Variants in SND1 observed in about 807,000 individuals in gnomAD.
The protein encoded by SND1 is staphylococcal nuclease domain-containing protein 1.
SND1 carries 38 observed loss-of-function variants against 121.7 expected under a neutral mutation model. That is an observed-to-expected ratio of 0.31 (90% CI 0.24 to 0.41). SND1 has a LOEUF of 0.41. Among genes scored for constraint, SND1 ranks in the 10% least tolerant of loss-of-function variants. The pLI is 1.00. For missense variants in SND1, 868 were observed against 1,184.6 expected, an observed-to-expected ratio of 0.73 and a Z score of 3.92; for synonymous variants, 401 against 447.4, an observed-to-expected ratio of 0.90 and a Z score of 1.31.
In SND1 at chr7:128,015,751, C is replaced by G. The variant is rs1803211233; in HGVS notation, c.1779+24695C>G. Among the ~76,000 whole-genome samples the G allele has an allele frequency of 6.6e-6, 1 of 152,146 alleles. No homozygotes were observed. ...CCCCAGGACACCACTCTGCCTTTCC[C>G]CATTGCTGGCTTCTTGGTGAGCAGC... On this transcript the variant is annotated intron_variant, in intron 16 of 23. Transcript: ENST00000354725. The surrounding 1 kb of genome is among the most constrained non-coding windows in gnomAD (Gnocchi z 4.5).
intron 15 of SND1, among the ~76,000 whole-genome samples, chr7:127,953,919 T>C (rs1228125798): frequency 1.3e-5 from 2 of 152,362 alleles, no homozygotes; most frequent in African/African-American, 4.8e-5. Context: ...TCAGTGTAGC[T>C]ACTTATTTTT....
chr7:127,832,242 A>C (rs1563028764), intron 11 of SND1, among the ~76,000 whole-genome samples: 1 of 152,234 alleles, frequency 6.6e-6, no homozygotes, highest in African/African-American at 2.4e-5. Context: ...ACATTTGTAC[A>C]TACATCTTTG....
At chr7:127,714,458 A>T (rs1796351155) in intron 9 of SND1, among the ~76,000 whole-genome samples, 1 of 152,058 alleles carries the variant, frequency 6.6e-6, no homozygotes, top group African/African-American at 2.4e-5. Context: ...GTCTCTGAGA[A>T]TTTTTTTCCT....
At chr7:127,826,973 G>C (rs1184125908) in intron 11 of SND1, among the ~76,000 whole-genome samples, 2 of 152,300 alleles carry the variant, frequency 1.3e-5, no homozygotes, top group African/African-American at 4.8e-5. Flanking sequence ...CCTTGGGCTG[G>C]CCTTTCCAGA....
intron 12 of SND1, among the ~76,000 whole-genome samples, chr7:127,845,937 A>G (rs1799053690): frequency 6.6e-6 from 1 of 152,220 alleles, no homozygotes; most frequent in African/African-American, 2.4e-5. Context: ...AATACTTTAC[A>G]GGGCAGAGTG....
At chr7:127,676,947 G>A (rs1199878443) in intron 1 of SND1, among the ~76,000 whole-genome samples, 3 of 152,138 alleles carry the variant, frequency 2.0e-5, no homozygotes, top group Non-Finnish European at 4.4e-5. Flanking sequence ...TCACCTTCTT[G>A]GCCAGGCTGG....
At chr7:127,754,249 TTTTC>T (rs1385262984) in intron 10 of SND1, among the ~76,000 whole-genome samples, 1 of 152,178 alleles carries the variant, frequency 6.6e-6, no homozygotes, top group Non-Finnish European at 1.5e-5. Context: ...ATAAAATAAT[TTTTC>T]TTTCTTAAAG....
At chr7:127,987,224 CCAG>C (rs1802412323) in intron 15 of SND1, among the ~76,000 whole-genome samples, 4 of 152,212 alleles carry the variant, frequency 2.6e-5, no homozygotes, top group Non-Finnish European at 5.9e-5. Context: ...GTCAGCCTGC[CCAG>C]CTGAGCATCA....
At chr7:127,676,466 TATA>T (rs1252185433) in intron 1 of SND1, among the ~76,000 whole-genome samples, 4 of 152,230 alleles carry the variant, frequency 2.6e-5, no homozygotes, top group African/African-American at 9.6e-5. Flanking sequence ...CTCAAGGCTG[TATA>T]ATTTCAGAGC....
At chr7:127,721,475 C>T (rs986111682) in intron 10 of SND1, 75 bp downstream of exon 10, 4 of 778,512 alleles carry the variant, frequency 5.1e-6, no homozygotes, top group Admixed American at 1.9e-5. Context: ...TAATATATGA[C>T]ATATATAATA....
At chr7:127,743,164 A>G (rs139724471) in intron 10 of SND1, among the ~76,000 whole-genome samples, 22 of 152,324 alleles carry the variant, frequency 1.4e-4, no homozygotes, top group Middle Eastern at 3.4e-3. Context: ...TTTGGTGGAA[A>G]TTGATGGTGA....
intron 11 of SND1, among the ~76,000 whole-genome samples, chr7:127,821,856 C>T (rs1008855802): frequency 3.3e-5 from 5 of 152,080 alleles, no homozygotes; most frequent in African/African-American, 2.4e-5. Flanking sequence ...GACATTTTGA[C>T]GTCATTTGGC....
chr7:128,047,925 G>A (rs753524170), intron 16 of SND1, among the ~76,000 whole-genome samples: 19 of 151,126 alleles, frequency 1.3e-4, no homozygotes, highest in African/African-American at 4.4e-4. Context: ...TCGGCTCACT[G>A]CAACCTCGGC....
chr7:127,876,481 C>T (rs1799693291), intron 12 of SND1, among the ~76,000 whole-genome samples: 1 of 152,100 alleles, frequency 6.6e-6, no homozygotes, highest in South Asian at 2.1e-4. Context: ...GGCCTAGGTG[C>T]TGAGAGTATG....
intron 12 of SND1, chr7:127,857,886 G>C: frequency 1.5e-6 from 2 of 1,358,746 alleles, no homozygotes; most frequent in Middle Eastern, 1.9e-4. Flanking sequence ...TGGAGTTGTA[G>C]AACTGACCAC....
At chr7:127,689,502 A>G (rs546479152) in intron 2 of SND1, among the ~76,000 whole-genome samples, 2 of 152,330 alleles carry the variant, frequency 1.3e-5, no homozygotes, top group South Asian at 4.1e-4. Flanking sequence ...AATCTTGGGC[A>G]GAGAAATACA....
chr7:128,043,055 A>G (rs549736691), intron 16 of SND1, among the ~76,000 whole-genome samples: 1 of 152,342 alleles, frequency 6.6e-6, no homozygotes, highest in South Asian at 2.1e-4. Flanking sequence ...AGACAGCATC[A>G]CTGGCACGTG....
intron 14 of SND1, among the ~76,000 whole-genome samples, chr7:127,910,771 C>T (rs1313860347): frequency 1.3e-5 from 2 of 152,168 alleles, no homozygotes; most frequent in African/African-American, 4.8e-5. Flanking sequence ...ATCATGTTCT[C>T]ACGTCTCTCT....
chr7:127,758,918 G>T (rs148620819), intron 10 of SND1, among the ~76,000 whole-genome samples: 201 of 152,244 alleles, frequency 1.3e-3, no homozygotes, highest in African/African-American at 4.7e-3. Context: ...GCTGGGCATG[G>T]TGGTGCATGC....
Sources: allele counts gnomAD v4.1 joint callset (sites outside exome capture counted in the v4.1 genomes callset), GRCh38; gene constraint gnomAD v4.1.1; non-coding constraint Gnocchi (gnomAD v3.1); transcripts MANE v1.5; gene names NCBI Gene and HGNC (gene_info 2026-07-23, HGNC 2026-07-21).